PTPRB: variants seen among roughly 807,000 people sequenced by gnomAD.
PTPRB encodes receptor-type tyrosine-protein phosphatase beta.
In PTPRB, 97 loss-of-function variants were observed where a neutral mutation model predicts 238.1. The ratio of observed to expected loss-of-function variants is 0.41; its 90% CI spans 0.35 to 0.48. PTPRB has a LOEUF of 0.48. PTPRB is among the 20% of genes least tolerant of loss of function. PTPRB has a pLI of 0.30. For missense variants in PTPRB, 2,292 were observed against 2,681.9 expected (o/e 0.85, Z 3.21); for synonymous variants, 970 against 995.4 (o/e 0.97, Z 0.48).
intron 19 of PTPRB, 45 bp downstream of exon 19, chr12:70,555,825 A>G: frequency 6.3e-7 from 1 of 1,597,858 alleles, no homozygotes; most frequent in Non-Finnish European, 8.5e-7. Context: ...CAGCCCCTTC[A>G]CTCCAGTGAC....
chr12:70,618,333 C>T (rs1204495910), intron 3 of PTPRB, among the ~76,000 whole-genome samples: 3 of 152,124 alleles, frequency 2.0e-5, no homozygotes, highest in Admixed American at 2.0e-4. Flanking sequence ...TGGTCTCGAA[C>T]TCCTGGGCTT....
In PTPRB at chr12:70,622,555, C is replaced by G. The variant is rs760209943; in HGVS notation, c.543G>C (p.Leu181=). Reference sequence around the variant, plus strand: ...CTGTGGTATTCCTAATAAGGAATACCAGGCCATCTGGAACTGCATTAAAGG... The same window carrying G: ...CTGTGGTATTCCTAATAAGGAATACGAGGCCATCTGGAACTGCATTAAAGG... ...LTTFNAVPDG[L]VFLIRNTTEA... is the part of the protein sequence containing the mutation. Residue 181 remains leucine (L), a synonymous_variant, in exon 3 of 34, where the codon CTG becomes CTC. Coordinates refer to ENST00000334414, the MANE Select transcript of PTPRB (RefSeq NM_001109754.4). 1.2e-6 allele frequency: 2 copies of G among 1,605,874 alleles called. No individual in the cohort carries two copies. The highest frequency in any genetic ancestry group is 3.4e-5 in the Admixed American group (2 of 58,398).
Position 70,601,775 on chromosome 12 carries a change from CTTT to C in PTPRB, c.980-5451_980-5449del, listed in dbSNP as rs1160198718. Among the ~76,000 whole-genome samples the C allele has an allele frequency of 3.4e-5, 5 of 146,102 alleles. No homozygotes were observed. The South Asian group carries it at 1.1e-3, about 32-fold the overall frequency. Reference sequence around the variant, plus strand: ...AAATACATTTCTAGAGAGGTAATTTCTTTTTTTCTTTTTTCTTTTTTTTTTTTT... The same window carrying C: ...AAATACATTTCTAGAGAGGTAATTTCTTTTCTTTTTTCTTTTTTTTTTTTT... On this transcript the variant is annotated intron_variant, in intron 4 of 33. Transcript: ENST00000334414.
chr12:70,628,462 T>A (rs1212465484), intron 2 of PTPRB, among the ~76,000 whole-genome samples: 1 of 152,242 alleles, frequency 6.6e-6, no homozygotes, highest in Non-Finnish European at 1.5e-5. Flanking sequence ...GACATAGGCA[T>A]GGCCTATCGG....
chr12:70,622,613 G>T lies in PTPRB; in HGVS notation c.485C>A (p.Thr162Asn). 6.3e-7 allele frequency: 1 copy of T among 1,581,814 alleles called. No homozygotes were observed. Among genetic ancestry groups the T allele is most frequent in the Non-Finnish European group, 8.6e-7 (1 of 1,161,776 alleles). The change falls in exon 3 of 34, where the codon ACT (threonine) becomes AAT (asparagine). Residue 162 changes from threonine (T) to asparagine (N), a missense_variant. Around this residue, in one of 4 missense-constraint regions of PTPRB, gnomAD observed 1,205 missense variants for 1,287.8 expected, o/e 0.94. Coordinates refer to ENST00000334414, the MANE Select transcript of PTPRB (RefSeq NM_001109754.4). ...AATCTGGGGTGGAGCCGTGTTTCTA[G>T]TGCTCCTCACCGAAACTTCTGCTCC... is the stretch of plus-strand genomic sequence containing the variant. ...GLGAEVSVRS[T>N]RNTAPPQILT... is the part of the protein sequence containing the mutation.
intron 2 of PTPRB, among the ~76,000 whole-genome samples, chr12:70,631,720 A>C (rs1885461465): frequency 6.6e-6 from 1 of 152,204 alleles, no homozygotes; most frequent in African/African-American, 2.4e-5. Context: ...AAAGAACTTA[A>C]ACAAATTTAC....
At chr12:70,535,242 T>G (rs35946524) in intron 29 of PTPRB, among the ~76,000 whole-genome samples, 2 of 149,534 alleles carry the variant, frequency 1.3e-5, no homozygotes, top group African/African-American at 5.0e-5. Context: ...TTTTTTTTTT[T>G]TTTTTTTTCC....
intron 2 of PTPRB, among the ~76,000 whole-genome samples, chr12:70,631,804 A>T (rs1295738469): frequency 2.0e-5 from 3 of 152,248 alleles, no homozygotes; most frequent in Admixed American, 6.5e-5. Flanking sequence ...GAAGACATTT[A>T]TGCAGCCAAC....
intron 3 of PTPRB, among the ~76,000 whole-genome samples, chr12:70,618,480 T>C (rs1211599778): frequency 6.6e-6 from 1 of 152,178 alleles, no homozygotes; most frequent in Non-Finnish European, 1.5e-5. Context: ...TGAGTACCCA[T>C]AACTATCCTT....
At chr12:70,559,179 A>T (rs1878123298) in intron 18 of PTPRB, 164 bp downstream of exon 18, 1 of 720,500 alleles carries the variant, frequency 1.4e-6, no homozygotes, top group African/African-American at 1.8e-5. Context: ...CTTGTTGTTA[A>T]TGTTGAATGA....
intron 33 of PTPRB, 57 bp from the exon 34 acceptor site, chr12:70,521,568 C>T (rs986281291): frequency 5.6e-5 from 78 of 1,398,052 alleles, no homozygotes; most frequent in South Asian, 3.6e-4. Context: ...TAATTGTTTA[C>T]GCTGTTTATG....
intron 2 of PTPRB, among the ~76,000 whole-genome samples, chr12:70,626,142 T>C (rs191519915): frequency 2.6e-4 from 40 of 152,098 alleles, no homozygotes; most frequent in African/African-American, 8.9e-4. Flanking sequence ...ATGAAACTCA[T>C]TTTTGGAATA....
chr12:70,609,054 C>T lies in PTPRB; in HGVS notation c.979+15G>A. On this transcript the variant is annotated intron_variant, in intron 4 of 33. Coordinates refer to ENST00000334414, the MANE Select transcript of PTPRB (RefSeq NM_001109754.4). ...CGTGTGGCTTGGCCATCCAATTGCACCTGTCATCCTTTACCTGTTTGCAAG... is the reference window on the plus strand; with the variant it reads ...CGTGTGGCTTGGCCATCCAATTGCATCTGTCATCCTTTACCTGTTTGCAAG... The T allele has an allele frequency of 6.2e-7, 1 of 1,613,044 alleles. No individual in the cohort carries two copies. Among genetic ancestry groups the T allele is most frequent in the Non-Finnish European group, 8.5e-7 (1 of 1,179,208 alleles).
At chr12:70,586,290 C>T (rs1881906665) in intron 9 of PTPRB, among the ~76,000 whole-genome samples, 1 of 152,122 alleles carries the variant, frequency 6.6e-6, no homozygotes, top group African/African-American at 2.4e-5. Context: ...CGTATCTCTC[C>T]ACATCCTCTC....
Position 70,516,962 on chromosome 12 carries a change from C to T in PTPRB, c.*4527G>A, listed in dbSNP as rs923200999. ...TTGCATACATTTATTCCGAGGGAGC[C>T]TCCCTACAAGTCAAGAGTATTCTCT... On this transcript the variant is annotated 3_prime_UTR_variant, in exon 34 of 34. Transcript: ENST00000334414. The T allele has an allele frequency of 6.6e-6, 1 of 152,250 alleles. No individual in the cohort carries two copies. Among genetic ancestry groups the T allele is most frequent in the South Asian group, 2.1e-4 (1 of 4,832 alleles). 9.4% of individuals were successfully genotyped at this position (152,250 alleles called of 1,614,324 possible). A position where few individuals can be genotyped will look rare whatever the true frequency, so the allele number is the denominator to read the frequency against.
intron 28 of PTPRB, among the ~76,000 whole-genome samples, chr12:70,537,159 T>C (rs937732773): frequency 1.8e-4 from 27 of 151,884 alleles, no homozygotes; most frequent in South Asian, 1.2e-3. Flanking sequence ...TGGTGGCAGG[T>C]GCCTGTAGTC....
At chr12:70,607,526 C>A (rs1232256190) in intron 4 of PTPRB, among the ~76,000 whole-genome samples, 2 of 151,306 alleles carry the variant, frequency 1.3e-5, no homozygotes, top group East Asian at 3.9e-4. Flanking sequence ...ATATTAGAAA[C>A]CACCAGATTC....
intron 10 of PTPRB, among the ~76,000 whole-genome samples, chr12:70,579,296 C>A (rs948352043): frequency 6.6e-6 from 1 of 152,152 alleles, no homozygotes; most frequent in African/African-American, 2.4e-5. Context: ...AAACCTAGGC[C>A]TCCTGATTTC....
intron 28 of PTPRB, among the ~76,000 whole-genome samples, chr12:70,536,698 G>A (rs1039637246): frequency 2.6e-5 from 4 of 152,104 alleles, no homozygotes; most frequent in African/African-American, 9.7e-5. Flanking sequence ...TCTGCACTCC[G>A]GCAATGACAG....
Sources: gnomAD v4.1 joint callset for allele counts (sites outside exome capture counted in the v4.1 genomes callset) on GRCh38, gnomAD v4.1.1 for gene constraint, gnomAD v4.1.1 regional missense constraint, MANE v1.5 for transcripts, NCBI Gene and HGNC (gene_info 2026-07-23, HGNC 2026-07-21) for gene names.